Variants in SMAD5 observed in about 807,000 individuals in gnomAD.
SMAD5 encodes the protein SMAD family member 5.
SMAD5 carries 9 observed loss-of-function variants against 43.1 expected under a neutral mutation model. The ratio of observed to expected loss-of-function variants is 0.21; its 90% CI spans 0.13 to 0.36. SMAD5 has a LOEUF of 0.36. Ranked by LOEUF, SMAD5 falls within the 10% of genes least tolerant of loss-of-function variation. The pLI, the probability that SMAD5 is intolerant of heterozygous loss-of-function variation, is 1.00. For synonymous variants in SMAD5, 190 were observed against 192.4 expected, an observed-to-expected ratio of 0.99 and a Z score of 0.10; for missense variants, 348 against 574.0, an observed-to-expected ratio of 0.61 and a Z score of 4.02.
In SMAD5 at chr5:136,176,457, CAAAAAA is replaced by C. The variant is rs60311104; in HGVS notation, c.1255-859_1255-854del. On this transcript the variant is annotated intron_variant, in intron 7 of 7. Coordinates refer to ENST00000545279, the MANE Select transcript of SMAD5 (RefSeq NM_005903.7). ...GCAACAAGAGAGAAACTCTGTCTCA[CAAAAAA>C]AAAAAAAAAAAAAAAAAAAAGAAAC... 2.8e-3 allele frequency among the ~76,000 whole-genome samples: 194 copies of C among 68,498 alleles called. 1 individual carries two copies. The South Asian group carries it at 0.05, about 18-fold the overall frequency. 44.9% of individuals were successfully genotyped at this position (68,498 alleles called of 152,430 possible). A position where few individuals can be genotyped will look rare whatever the true frequency, so the allele number is the denominator to read the frequency against.
At position 136,181,668 on chromosome 5, in the gene SMAD5, A is replaced by C. The variant is rs887045926; in HGVS notation, c.*4188A>C. ...TTCTTCTGCATAAACAAAGAATTCTACCTGCTGGACAGAAACCTGGAAAGT... is the reference window on the plus strand; with the variant it reads ...TTCTTCTGCATAAACAAAGAATTCTCCCTGCTGGACAGAAACCTGGAAAGT... On this transcript the variant is annotated 3_prime_UTR_variant, in exon 8 of 8. Coordinates refer to ENST00000545279, the MANE Select transcript of SMAD5 (RefSeq NM_005903.7). 6.6e-6 allele frequency: 1 copy of C among 152,194 alleles called. No homozygotes were observed. Among genetic ancestry groups the C allele is most frequent in the Non-Finnish European group, 1.5e-5 (1 of 68,012 alleles). 9.4% of individuals were successfully genotyped at this position (152,194 alleles called of 1,614,324 possible).
chr5:136,173,962 G>A (rs1006983331), intron 6 of SMAD5, among the ~76,000 whole-genome samples: 1 of 151,138 alleles, frequency 6.6e-6, no homozygotes, highest in African/African-American at 2.4e-5. Context: ...TAGTGTTGCT[G>A]TCCTCTTTGT....
In SMAD5 at chr5:136,163,128, T is replaced by A. The variant is rs941991312; in HGVS notation, c.656-144T>A. On this transcript the variant is annotated intron_variant, in intron 4 of 7. Coordinates refer to ENST00000545279, the MANE Select transcript of SMAD5 (RefSeq NM_005903.7). ...GTGTGCTGTCTGTTCTCCTTTTCCC[T>A]TGCCCTAGGATAGTATCCTACATTT... 1.3e-5 allele frequency: 7 copies of A among 552,628 alleles called. No individual in the cohort carries two copies. In the African/African-American group the frequency reaches 1.4e-4, roughly 11 times the overall value. 34.2% of individuals were successfully genotyped at this position (552,628 alleles called of 1,614,324 possible).
intron 5 of SMAD5, among the ~76,000 whole-genome samples, chr5:136,165,042 T>A (rs183851474): frequency 6.6e-6 from 1 of 152,236 alleles, no homozygotes; most frequent in African/African-American, 2.4e-5. Flanking sequence ...ATTTCAGGAC[T>A]CTGTTGGCTT....
intron 7 of SMAD5, among the ~76,000 whole-genome samples, chr5:136,176,457 CAAAAAAA>C (rs60311104): frequency 0.032 from 2,217 of 68,450 alleles, 20 homozygotes; most frequent in Middle Eastern, 0.057. Flanking sequence ...CTCTGTCTCA[CAAAAAAA>C]AAAAAAAAAA....
At chr5:136,164,900 A>G (rs980734333) in intron 5 of SMAD5, among the ~76,000 whole-genome samples, 5 of 152,180 alleles carry the variant, frequency 3.3e-5, no homozygotes, top group Non-Finnish European at 7.4e-5. Flanking sequence ...TATGTGGTAT[A>G]TGGTAAATGT....
At chr5:136,150,516 A>G (rs1753418923) in intron 2 of SMAD5, among the ~76,000 whole-genome samples, 1 of 151,882 alleles carries the variant, frequency 6.6e-6, no homozygotes, top group Admixed American at 6.6e-5. Context: ...ATTATTTATG[A>G]CTTATTAATT....
Position 136,153,827 on chromosome 5 carries a change from C to G in SMAD5, c.67C>G (p.Gln23Glu). The G allele has an allele frequency of 6.2e-7, 1 of 1,613,538 alleles. No homozygotes were observed. Among genetic ancestry groups the G allele is most frequent in the Non-Finnish European group, 8.5e-7 (1 of 1,179,714 alleles). Residue 23 changes from glutamine (Q) to glutamate (E), a missense_variant, in exon 3 of 8, where the codon CAA becomes GAA. Physicochemically the swap from Gln to Glu is conservative, Grantham distance 29. This residue lies in a region of SMAD5 where 39 missense variants were observed against 78.5 expected (regional missense o/e 0.50). Coordinates refer to ENST00000545279, the MANE Select transcript of SMAD5 (RefSeq NM_005903.7). ...PAVKRLLGWK[Q>E]GDEEEKWAEK... ...AGTAAAGCGATTGTTGGGCTGGAAA[C>G]AAGGTGATGAGGAGGAGAAATGGGC...
In SMAD5 at chr5:136,176,370, G is replaced by A. The variant is rs911747770; in HGVS notation, c.1255-967G>A. The stretch of plus-strand genomic sequence containing the variant: ...CTAGGGAGGCTGAGACAGGAGAATT[G>A]TTTGAACCTGGGAGGCGGAGGTTGC... On this transcript the variant is annotated intron_variant, in intron 7 of 7. Transcript: ENST00000545279. Among the ~76,000 whole-genome samples, 3 of 142,004 alleles carry A rather than the reference G, an allele frequency of 2.1e-5. No individual in the cohort carries two copies. The Admixed American group carries it at 2.2e-4, about 11-fold the overall frequency. The allele number at this position is 142,004 out of a possible 152,430, so 93.2% of individuals were successfully genotyped here.
intron 5 of SMAD5, among the ~76,000 whole-genome samples, chr5:136,166,967 A>G (rs1754039249): frequency 1.3e-5 from 2 of 152,186 alleles, no homozygotes; most frequent in African/African-American, 4.8e-5. Context: ...CTTTTTCACT[A>G]GAATTTCTTC....
chr5:136,135,795 C>G (rs185254073), intron 1 of SMAD5, among the ~76,000 whole-genome samples: 4 of 152,294 alleles, frequency 2.6e-5, no homozygotes, highest in African/African-American at 9.6e-5. Context: ...TGTCTATTCT[C>G]TTGGTTTATC....
chr5:136,182,239 A>AAAG lies in SMAD5; in HGVS notation c.*4761_*4762insGAA. 6.6e-6 allele frequency: 1 copy of AAAG among 152,124 alleles called. No homozygotes were observed. Among genetic ancestry groups the AAAG allele is most frequent in the South Asian group, 2.1e-4 (1 of 4,828 alleles). 9.4% of individuals were successfully genotyped at this position (152,124 alleles called of 1,614,324 possible). A position where few individuals can be genotyped will look rare whatever the true frequency, so the allele number is the denominator to read the frequency against. On this transcript the variant is annotated 3_prime_UTR_variant, in exon 8 of 8. Coordinates refer to ENST00000545279, the MANE Select transcript of SMAD5 (RefSeq NM_005903.7). ...GAATCCCAAGTTCTTTGTGGAAAAA[A>AAAG]AAAAAAAATCTTTTAGGGTCAGATT...
Position 136,177,582 on chromosome 5 carries a change from C to T in SMAD5, c.*102C>T, listed in dbSNP as rs1028746174. The T allele has an allele frequency of 8.3e-6, 7 of 844,662 alleles. No individual in the cohort carries two copies. Among genetic ancestry groups the T allele is most frequent in the African/African-American group, 6.9e-5 (4 of 57,864 alleles). The allele number at this position is 844,662 out of a possible 1,614,324, so 52.3% of individuals were successfully genotyped here. On this transcript the variant is annotated 3_prime_UTR_variant, in exon 8 of 8. Transcript: ENST00000545279. Reference sequence around the variant, plus strand: ...GAGCTTACATTGAAAACAGATATTACAGCTTATTTTTTTCTACATAATTGT... The same window carrying T: ...GAGCTTACATTGAAAACAGATATTATAGCTTATTTTTTTCTACATAATTGT...
intron 5 of SMAD5, among the ~76,000 whole-genome samples, chr5:136,171,725 G>T (rs1754226887): frequency 6.6e-6 from 1 of 152,128 alleles, no homozygotes; most frequent in South Asian, 2.1e-4. Context: ...GATGATACTG[G>T]GTTTACAACA....
At chr5:136,162,934 A>C (rs1310234459) in intron 4 of SMAD5, among the ~76,000 whole-genome samples, 1 of 152,218 alleles carries the variant, frequency 6.6e-6, no homozygotes. Context: ...TCTGTACTTC[A>C]GATTGATATG....
At chr5:136,146,290 T>C (rs1324269332) in intron 1 of SMAD5, among the ~76,000 whole-genome samples, 1 of 151,916 alleles carries the variant, frequency 6.6e-6, no homozygotes, top group Non-Finnish European at 1.5e-5. Context: ...ATCTGTAATG[T>C]GTAAAGACTG....
intron 2 of SMAD5, chr5:136,152,853 A>G (rs1165392010): frequency 6.6e-6 from 1 of 152,136 alleles, no homozygotes; most frequent in Admixed American, 6.6e-5. Context: ...ATGGTGCAGA[A>G]CAGTGGTTTA....
chr5:136,147,605 AG>A (rs1294369263), intron 1 of SMAD5: 2 of 151,980 alleles, frequency 1.3e-5, no homozygotes, highest in East Asian at 3.9e-4. Context: ...TAATTAAGCA[AG>A]TTACATTTAA....
chr5:136,143,985 A>G (rs1331567561), intron 1 of SMAD5, among the ~76,000 whole-genome samples: 1 of 151,878 alleles, frequency 6.6e-6, no homozygotes, highest in Admixed American at 6.6e-5. Context: ...TGTTCCATGT[A>G]TGTACTCTAA....
Sources: allele counts gnomAD v4.1 joint callset (sites outside exome capture counted in the v4.1 genomes callset), GRCh38; gene constraint gnomAD v4.1.1; regional missense constraint gnomAD v4.1.1; transcripts MANE v1.5; gene names NCBI Gene and HGNC (gene_info 2026-07-23, HGNC 2026-07-21).